Variants in CLEC4F observed in about 807,000 individuals in gnomAD.
The protein encoded by CLEC4F is C-type lectin domain family 4 member F, also known as C-type (calcium dependent, carbohydrate-recognition domain) lectin, superfamily member 13.
In CLEC4F, 45 loss-of-function variants were observed where a neutral mutation model predicts 53.4. The ratio of observed to expected loss-of-function variants is 0.84; its 90% CI spans 0.66 to 1.08. The LOEUF (loss-of-function observed/expected upper bound fraction) is 1.08. Among genes scored for constraint, CLEC4F ranks in the 50% least tolerant of loss-of-function variants. CLEC4F has a pLI of 0.00. For missense variants in CLEC4F, 753 were observed against 698.2 expected (o/e 1.08, Z -0.88); for synonymous variants, 245 against 257.5 (o/e 0.95, Z 0.46).
Position 70,817,256 on chromosome 2 carries a change from A to G in CLEC4F, c.269-144T>C, listed in dbSNP as rs945431980. 10 of 818,816 alleles carry G rather than the reference A, an allele frequency of 1.2e-5. No homozygotes were observed. The African/African-American group carries it at 1.7e-4, about 14-fold the overall frequency. 50.7% of individuals were successfully genotyped at this position (818,816 alleles called of 1,614,324 possible). On this transcript the variant is annotated intron_variant, in intron 3 of 6. Coordinates refer to ENST00000272367, the MANE Select transcript of CLEC4F (RefSeq NM_173535.3). ...TGCTCCCCCAAGCACCCTCCTGGTC[A>G]CACAGCCACCCAGACCCTGGGGACG...
Position 70,820,452 on chromosome 2 carries a change from A to G in CLEC4F, c.61+11T>C. On this transcript the variant is annotated intron_variant, in intron 1 of 6. Coordinates refer to ENST00000272367, the MANE Select transcript of CLEC4F (RefSeq NM_173535.3). ...CTCACTGGGCAAGAGCTGGGGCCCC[A>G]GTTTTCTCACCTTGGGGGTGCAGGG... 6.3e-7 allele frequency: 1 copy of G among 1,577,628 alleles called. No homozygotes were observed. Among genetic ancestry groups the G allele is most frequent in the Non-Finnish European group, 8.6e-7 (1 of 1,159,590 alleles).
chr2:70,822,308 A>G (rs1250270666), upstream of CLEC4F, among the ~76,000 whole-genome samples: 1 of 152,186 alleles, frequency 6.6e-6, no homozygotes, highest in African/African-American at 2.4e-5. Flanking sequence ...GCAGGCCCCA[A>G]CTTTAGCTGA....
chr2:70,815,433 T>C (rs1553395526), intron 4 of CLEC4F, among the ~76,000 whole-genome samples: 1 of 152,222 alleles, frequency 6.6e-6, no homozygotes, highest in Non-Finnish European at 1.5e-5. Context: ...ATGTCTTTCA[T>C]GCAAGTCTGT....
Position 70,809,381 on chromosome 2 carries a change from GC to G in CLEC4F, c.1659del (p.Pro554LeufsTer15). On this transcript the variant is annotated frameshift_variant and splice_region_variant, in exon 7 of 7. Coordinates refer to ENST00000272367, the MANE Select transcript of CLEC4F (RefSeq NM_173535.3). LOFTEE classifies it low-confidence loss of function (END_TRUNC). ...AGTGGGCAGGATCCCTTGGAACCAG[GC>G]CTGAGTAGGGCAGGGGGAAAAAAAC... ...GTPFNAAQNKAPGSKGSCPLR... is the reference protein window; with the variant it reads ...GTPFNAAQNKXPGSKGSCPLR... 3 of 1,606,632 alleles carry G rather than the reference GC, an allele frequency of 1.9e-6. No homozygotes were observed. The highest frequency in any genetic ancestry group is 2.6e-6 in the Non-Finnish European group (3 of 1,176,354).
At chr2:70,812,399 T>TGGTGGTGGA in intron 5 of CLEC4F, 48 bp downstream of exon 5, 1 of 1,605,880 alleles carries the variant, frequency 6.2e-7, no homozygotes, top group South Asian at 1.1e-5. Flanking sequence ...CAAAGTCCCT[T>TGGTGGTGGA]ATTCCACACC....
chr2:70,809,787 G>A lies in CLEC4F; in HGVS notation c.1610C>T (p.Ser537Phe). 1 of 1,614,166 alleles carries A rather than the reference G, an allele frequency of 6.2e-7. No homozygotes were observed. The highest frequency in any genetic ancestry group is 8.5e-7 in the Non-Finnish European group (1 of 1,180,028). Residue 537 changes from serine (S) to phenylalanine (F), a missense_variant, in exon 6 of 7, where the codon TCC (serine) becomes TTC (phenylalanine). Coordinates refer to ENST00000272367, the MANE Select transcript of CLEC4F (RefSeq NM_173535.3). ...TGGTGTCCCATCTGTCCAGCGCCAG[G>A]AGCCCTCTGTGCCCCTGTCAGTGAG... is the stretch of plus-strand genomic sequence containing the variant. ...IGLTDRGTEG[S>F]WRWTDGTPFN... is the part of the protein sequence containing the mutation.
At chr2:70,817,650 T>C (rs527840269) in intron 3 of CLEC4F, among the ~76,000 whole-genome samples, 3 of 152,188 alleles carry the variant, frequency 2.0e-5, no homozygotes, top group African/African-American at 7.2e-5. Flanking sequence ...TGATGGCAAA[T>C]TCCATGGAGA....
rs112202044 is a variant in CLEC4F, at chr2:70,814,686, A to C, written c.1387+1308T>G. ...TGCTTTATAATTACGAACAGAGTTG[A>C]GTAGTTGTAACAGAGATCGTACAGC... On this transcript the variant is annotated intron_variant, in intron 4 of 6. Coordinates refer to ENST00000272367, the MANE Select transcript of CLEC4F (RefSeq NM_173535.3). Among the ~76,000 whole-genome samples the C allele has an allele frequency of 3.2e-3, 480 of 152,246 alleles. 2 individuals are homozygous for C. The highest frequency in any genetic ancestry group is 0.011 in the African/African-American group (461 of 41,534).
At chr2:70,817,136 C>T in intron 3 of CLEC4F, 24 bp from the exon 4 acceptor site, 19 of 1,592,512 alleles carry the variant, frequency 1.2e-5, no homozygotes, top group Non-Finnish European at 1.6e-5. Context: ...GTGAAGAAGG[C>T]AGCCAAAGAG....
chr2:70,813,503 TTTCTTTCTTTTC>T lies in CLEC4F; in HGVS notation c.1388-917_1388-906del, dbSNP rs1676677862. Among the ~76,000 whole-genome samples the T allele has an allele frequency of 4.0e-5, 3 of 75,884 alleles. No homozygotes were observed. In the Admixed American group the frequency reaches 4.2e-4, roughly 11 times the overall value. The allele number at this position is 75,884 out of a possible 152,430, so 49.8% of individuals were successfully genotyped here. ...GTCTCTCTTTCTTTCTTTTTCTTTC[TTTCTTTCTTTTC>T]TTTCTTTCTTTCTTTCTTTCTTTTT... is the stretch of plus-strand genomic sequence containing the variant. On this transcript the variant is annotated intron_variant, in intron 4 of 6. Coordinates refer to ENST00000272367, the MANE Select transcript of CLEC4F (RefSeq NM_173535.3).
At chr2:70,815,415 C>G (rs1553395518) in intron 4 of CLEC4F, among the ~76,000 whole-genome samples, 2 of 152,108 alleles carry the variant, frequency 1.3e-5, no homozygotes, top group African/African-American at 4.8e-5. Context: ...AGCCTTATAC[C>G]TGTCTGTATG....
chr2:70,825,213 C>T (rs1226443935), upstream of CLEC4F, among the ~76,000 whole-genome samples: 1 of 152,164 alleles, frequency 6.6e-6, no homozygotes, highest in Non-Finnish European at 1.5e-5. Context: ...GACCAGTGGG[C>T]TCCTCAAAAC....
Position 70,808,727 on chromosome 2 carries a change from G to C in CLEC4F, c.*544C>G, listed in dbSNP as rs1161335608. 4 of 289,996 alleles carry C rather than the reference G, an allele frequency of 1.4e-5. No homozygotes were observed. The highest frequency in any genetic ancestry group is 9.1e-5 in the Admixed American group (2 of 21,866). 18.0% of individuals were successfully genotyped at this position (289,996 alleles called of 1,614,324 possible). ...GCTGAGGCTACAGGGGCACAGCAAG[G>C]CTCTTCCCTTGAGAAGCCACTGATG... is the stretch of plus-strand genomic sequence containing the variant. On this transcript the variant is annotated 3_prime_UTR_variant, in exon 7 of 7. Coordinates refer to ENST00000272367, the MANE Select transcript of CLEC4F (RefSeq NM_173535.3).
At position 70,816,275 on chromosome 2, in the gene CLEC4F, A is replaced by G. The variant is rs34318515; in HGVS notation, c.1106T>C (p.Val369Ala). ...CTGAATCTGGGCATTTAAGGTATTC[A>G]CATTTTCCATCTCTGACTTGAATAC... ...IQVFKSEMEN[V>A]NTLNAQIQVL... Residue 369 changes from valine to alanine, a missense_variant, in exon 4 of 7, where the codon GTG becomes GCG. Coordinates refer to ENST00000272367, the MANE Select transcript of CLEC4F (RefSeq NM_173535.3). 2.9e-3 allele frequency: 4,695 copies of G among 1,614,222 alleles called. 139 individuals are homozygous for G. In the African/African-American group the frequency reaches 0.056, roughly 19 times the overall value.
upstream of CLEC4F, among the ~76,000 whole-genome samples, chr2:70,824,800 T>G (rs1233222221): frequency 6.6e-6 from 1 of 152,196 alleles, no homozygotes; most frequent in East Asian, 1.9e-4. Flanking sequence ...GAGTCCATAC[T>G]GACATAAATG....
Position 70,816,713 on chromosome 2 carries a change from T to A in CLEC4F, c.668A>T (p.Asn223Ile), listed in dbSNP as rs1553396208. 6.2e-7 allele frequency: 1 copy of A among 1,614,170 alleles called. No homozygotes were observed. ...GGCATTCAACATCTGAATTTCAGAG[T>A]TTGCATTTTCTAAGCCTCTGCTTAG... ...HVLSRGLENA[N>I]SEIQMLNASL... is the part of the protein sequence containing the mutation. Residue 223 changes from asparagine to isoleucine, a missense_variant, in exon 4 of 7, where the codon AAC becomes ATC. Physicochemically the swap from Asn to Ile is moderately radical, Grantham distance 149. Coordinates refer to ENST00000272367, the MANE Select transcript of CLEC4F (RefSeq NM_173535.3).
At chr2:70,821,519 C>T (rs1677219788), upstream of CLEC4F, among the ~76,000 whole-genome samples, 6 of 152,160 alleles carry the variant, frequency 3.9e-5, no homozygotes, top group Admixed American at 3.9e-4. Context: ...GATTGGTGAT[C>T]CACATGCCAG....
rs1275208157 is a variant in CLEC4F at position 70,812,571 on chromosome 2, C to T, written c.1415G>A (p.Gly472Asp). ...TAAGCTTCCACCATTGAACTTCCAG[C>T]CTTGCAGGACCATCTGGAGAAGCTG... The part of the protein sequence containing the change: ...QSQLLQMVLQ[G>D]WKFNGGSLYY... Residue 472 changes from glycine (G) to aspartate (D), a missense_variant, in exon 5 of 7, where the codon GGC becomes GAC. Gly to Asp is a moderately conservative substitution (Grantham distance 94). Transcript: ENST00000272367. The T allele has an allele frequency of 2.9e-5, 47 of 1,614,072 alleles. No individual in the cohort carries two copies. The highest frequency in any genetic ancestry group is 3.7e-5 in the Non-Finnish European group (44 of 1,180,040).
chr2:70,813,581 T>TTC (rs1316224192), intron 4 of CLEC4F, among the ~76,000 whole-genome samples: 1 of 145,384 alleles, frequency 6.9e-6, no homozygotes, highest in Non-Finnish European at 1.5e-5. Flanking sequence ...TTCTTTTTCT[T>TTC]TCTCTCTCTT....
Sources: gnomAD v4.1 joint callset for allele counts (sites outside exome capture counted in the v4.1 genomes callset) on GRCh38, gnomAD v4.1.1 for gene constraint, MANE v1.5 for transcripts, NCBI Gene and HGNC (gene_info 2026-07-23, HGNC 2026-07-21) for gene names.